The following TTBK2 variants were observed in gnomAD, a reference collection of about 807,000 sequenced individuals.
TTBK2 encodes the protein tau tubulin kinase 2, also known as tau-tubulin kinase 2.
A neutral mutation model predicts 110.8 loss-of-function variants in TTBK2; 28 were observed. That is an observed-to-expected ratio of 0.25 (90% CI 0.19 to 0.35). The LOEUF (loss-of-function observed/expected upper bound fraction) is 0.35. Among genes scored for constraint, TTBK2 ranks in the 10% least tolerant of loss-of-function variants. TTBK2 has a pLI of 1.00. For synonymous variants in TTBK2, 532 were observed against 527.3 expected (o/e 1.01, Z -0.12); for missense variants, 1,369 against 1,500.3 (o/e 0.91, Z 1.45).
chr15:42,741,894 G>A lies in TTBK2; in HGVS notation c.*3901C>T, dbSNP rs2061753774. On this transcript the variant is annotated 3_prime_UTR_variant, in exon 15 of 15. Coordinates refer to ENST00000267890, the MANE Select transcript of TTBK2 (RefSeq NM_173500.4). ...CTGTCTGCTCTTGGGGAAAAAAAAA[G>A]CATCTGTTTTTAATTCAAAGCTCTG... 6.6e-6 allele frequency: 1 copy of A among 152,088 alleles called. No individual in the cohort carries two copies. Among genetic ancestry groups the A allele is most frequent in the Non-Finnish European group, 1.5e-5 (1 of 68,014 alleles). 9.4% of individuals were successfully genotyped at this position (152,088 alleles called of 1,614,324 possible). A position where few individuals can be genotyped will look rare whatever the true frequency, so the allele number is the denominator to read the frequency against.
chr15:42,874,305 T>G (rs1242586065), intron 2 of TTBK2, among the ~76,000 whole-genome samples: 15 of 152,052 alleles, frequency 9.9e-5, no homozygotes, highest in African/African-American at 3.6e-4. Context: ...CTTCTTTATT[T>G]TTTTATTTTT....
At chr15:42,905,979 G>A (rs529952228) in intron 1 of TTBK2, among the ~76,000 whole-genome samples, 30 of 152,202 alleles carry the variant, frequency 2.0e-4, no homozygotes, top group African/African-American at 6.0e-4. Context: ...ACCTGAGGTC[G>A]GGAGTTCGAG....
chr15:42,876,901 T>C (rs1445692219), intron 2 of TTBK2, among the ~76,000 whole-genome samples: 1 of 152,150 alleles, frequency 6.6e-6, no homozygotes, highest in East Asian at 1.9e-4. Flanking sequence ...TTTAAACATT[T>C]ATAAGGATAA....
chr15:42,916,267 G>A (rs1005593255), intron 1 of TTBK2, among the ~76,000 whole-genome samples: 3 of 151,870 alleles, frequency 2.0e-5, no homozygotes, highest in Non-Finnish European at 4.4e-5. Flanking sequence ...TTTTTTCTTT[G>A]GTTATTCATT....
At position 42,878,693 on chromosome 15, in the gene TTBK2, A is replaced by T. The variant is rs1405425924; in HGVS notation, c.-67-9T>A. The T allele has an allele frequency of 1.2e-6, 2 of 1,610,936 alleles. No individual in the cohort carries two copies. Among genetic ancestry groups the T allele is most frequent in the African/African-American group, 2.7e-5 (2 of 74,850 alleles). On this transcript the variant is annotated splice_polypyrimidine_tract_variant and intron_variant, in intron 1 of 14. Coordinates refer to ENST00000267890, the MANE Select transcript of TTBK2 (RefSeq NM_173500.4). ...GGTGGTTTCCATTTAACCTAAAACA[A>T]CAACAACAAAAAATAGTAGCAGTAT...
At chr15:42,811,014 AGGGTCTT>A (rs912992399) in intron 8 of TTBK2, among the ~76,000 whole-genome samples, 5 of 152,202 alleles carry the variant, frequency 3.3e-5, no homozygotes, top group African/African-American at 1.2e-4. Context: ...TTTCTGAGAC[AGGGTCTT>A]GCTCTGTCAC....
chr15:42,756,868 AAAAAAC>A (rs1007974874), intron 13 of TTBK2, among the ~76,000 whole-genome samples: 10 of 151,918 alleles, frequency 6.6e-5, no homozygotes, highest in Middle Eastern at 3.4e-3. Context: ...CCCACCTCAA[AAAAAAC>A]AAAAACAAAA....
intron 1 of TTBK2, among the ~76,000 whole-genome samples, chr15:42,913,127 G>A (rs1356112912): frequency 6.9e-5 from 7 of 101,058 alleles, no homozygotes; most frequent in African/African-American, 2.3e-4. Flanking sequence ...GCGAGACTCC[G>A]TCTCAAAAAA....
intron 3 of TTBK2, among the ~76,000 whole-genome samples, chr15:42,847,461 A>T (rs1482106828): frequency 6.6e-6 from 1 of 152,180 alleles, no homozygotes; most frequent in Non-Finnish European, 1.5e-5. Context: ...AATTTTATGA[A>T]TCATGCTTTT....
intron 6 of TTBK2, 103 bp from the exon 7 acceptor site, chr15:42,817,200 C>G: frequency 3.2e-6 from 2 of 633,704 alleles, no homozygotes; most frequent in Non-Finnish European, 4.8e-6. Flanking sequence ...CCTTTATTGT[C>G]ACAATAAAAC....
intron 3 of TTBK2, among the ~76,000 whole-genome samples, chr15:42,870,352 T>C (rs906537719): frequency 6.6e-6 from 1 of 151,686 alleles, no homozygotes; most frequent in African/African-American, 2.4e-5. Flanking sequence ...CACTTTAGGG[T>C]CAAAGAGAAA....
At chr15:42,782,987 A>T (rs1438251957) in intron 11 of TTBK2, among the ~76,000 whole-genome samples, 3 of 152,120 alleles carry the variant, frequency 2.0e-5, no homozygotes, top group Non-Finnish European at 2.9e-5. Context: ...TCCACTACTC[A>T]TTCCTGATTA....
chr15:42,746,146 G>A lies in TTBK2; in HGVS notation c.3384C>T (p.Cys1128=), dbSNP rs1480768929. The A allele has an allele frequency of 6.2e-7, 1 of 1,614,142 alleles. No individual in the cohort carries two copies. The part of the protein sequence containing the change: ...GSQKPRSTTQ[C]KSPGSPHNPK... Reference sequence around the variant, plus strand: ...GATTGTGAGGAGATCCTGGACTCTTGCACTGAGTAGTGCTCCGGGGTTTCT... The same window carrying A: ...GATTGTGAGGAGATCCTGGACTCTTACACTGAGTAGTGCTCCGGGGTTTCT... The change falls in exon 15 of 15, where the codon TGC becomes TGT. Residue 1128 remains cysteine, a synonymous_variant. Coordinates refer to ENST00000267890, the MANE Select transcript of TTBK2 (RefSeq NM_173500.4).
chr15:42,867,218 C>G (rs1894409288), intron 3 of TTBK2, among the ~76,000 whole-genome samples: 1 of 148,844 alleles, frequency 6.7e-6, no homozygotes, highest in African/African-American at 2.5e-5. Context: ...TGCACTCCAG[C>G]CTGGGTGACA....
At chr15:42,771,333 T>C (rs1889668064) in intron 13 of TTBK2, among the ~76,000 whole-genome samples, 1 of 152,166 alleles carries the variant, frequency 6.6e-6, no homozygotes, top group African/African-American at 2.4e-5. Flanking sequence ...AAAAATTAGT[T>C]GAGAAAATAA....
In TTBK2 at chr15:42,763,104, GTA is replaced by G. The variant is rs1161998016; in HGVS notation, c.1999-9859_1999-9858del. On this transcript the variant is annotated intron_variant, in intron 13 of 14. Transcript: ENST00000267890. The stretch of plus-strand genomic sequence containing the variant: ...CAATTTTATATATATATATATATAC[GTA>G]TATATATATATACACATATATATAC... Among the ~76,000 whole-genome samples, 201 of 59,602 alleles carry G rather than the reference GTA, an allele frequency of 3.4e-3. 4 individuals are homozygous for G. The highest frequency in any genetic ancestry group is 9.2e-3 in the South Asian group (15 of 1,624). 39.1% of individuals were successfully genotyped at this position (59,602 alleles called of 152,430 possible). A position where few individuals can be genotyped will look rare whatever the true frequency, so the allele number is the denominator to read the frequency against.
intron 1 of TTBK2, among the ~76,000 whole-genome samples, chr15:42,882,281 CAG>C (rs1289637006): frequency 2.0e-5 from 3 of 151,548 alleles, no homozygotes; most frequent in Non-Finnish European, 4.4e-5. Context: ...GAAAATTAAA[CAG>C]AAAAAAATAT....
At chr15:42,818,481 A>G (rs1892136626) in intron 6 of TTBK2, among the ~76,000 whole-genome samples, 1 of 152,094 alleles carries the variant, frequency 6.6e-6, no homozygotes, top group South Asian at 2.1e-4. Flanking sequence ...GCACTTTGGG[A>G]GGCTGAGGCG....
At chr15:42,894,387 A>AATTTAT (rs1895585006) in intron 1 of TTBK2, among the ~76,000 whole-genome samples, 1 of 152,160 alleles carries the variant, frequency 6.6e-6, no homozygotes, top group Non-Finnish European at 1.5e-5. Flanking sequence ...ATTTTATACA[A>AATTTAT]TCTCTCCAAA....
Sources: allele counts gnomAD v4.1 joint callset (sites outside exome capture counted in the v4.1 genomes callset), GRCh38; gene constraint gnomAD v4.1.1; transcripts MANE v1.5; gene names NCBI Gene and HGNC (gene_info 2026-07-23, HGNC 2026-07-21).